The following SYTL3 variants were observed in gnomAD, a reference collection of about 807,000 sequenced individuals.
The protein encoded by SYTL3 is synaptotagmin like 3, also known as synaptotagmin-like protein 3.
Under a neutral mutation model 82.1 loss-of-function variants are expected in SYTL3, and 88 were observed. The observed-to-expected ratio is 1.07, with a 90% CI of 0.90 to 1.28. The LOEUF (loss-of-function observed/expected upper bound fraction) is 1.28, where lower values mean the gene tolerates loss of function less well. SYTL3 is among the 50% of genes most tolerant of loss of function. The pLI is 0.00. For missense variants in SYTL3, 831 were observed against 757.6 expected (o/e 1.10, Z -1.14); for synonymous variants, 311 against 289.4 (o/e 1.07, Z -0.76).
intron 5 of SYTL3, among the ~76,000 whole-genome samples, chr6:158,670,103 C>G (rs1777195268): frequency 6.6e-6 from 1 of 152,122 alleles, no homozygotes; most frequent in Non-Finnish European, 1.5e-5. Context: ...AAGTTCTATT[C>G]TAATTATGTT....
At chr6:158,717,624 T>G (rs1323334252) in intron 9 of SYTL3, among the ~76,000 whole-genome samples, 1 of 152,216 alleles carries the variant, frequency 6.6e-6, no homozygotes, top group African/African-American at 2.4e-5. Context: ...ATAATTGTTA[T>G]GAGGACACCC....
At position 158,704,394 on chromosome 6, in the gene SYTL3, C is replaced by T. The variant is rs12660140; in HGVS notation, c.395-2836C>T. On this transcript the variant is annotated intron_variant, in intron 6 of 17. Transcript: ENST00000611299. ...CGGCAGGGGGCAGCAGAAAGCCACGCGCACGCCCGGTCCGTGCAGGAGCCG... is the reference window on the plus strand; with the variant it reads ...CGGCAGGGGGCAGCAGAAAGCCACGTGCACGCCCGGTCCGTGCAGGAGCCG... 9.8e-5 allele frequency among the ~76,000 whole-genome samples: 15 copies of T among 152,356 alleles called. No individual in the cohort carries two copies. The East Asian group carries it at 1.9e-3, about 20-fold the overall frequency.
chr6:158,687,652 A>G (rs1178643522), intron 6 of SYTL3, among the ~76,000 whole-genome samples: 1 of 152,120 alleles, frequency 6.6e-6, no homozygotes, highest in Admixed American at 6.5e-5. Context: ...CTGCCGCTAC[A>G]TCTGGTCAGT....
chr6:158,719,729 A>G (rs1783844915), intron 10 of SYTL3, among the ~76,000 whole-genome samples: 1 of 152,210 alleles, frequency 6.6e-6, no homozygotes, highest in African/African-American at 2.4e-5. Flanking sequence ...TGGTGGCAGC[A>G]TTGCTTCTTA....
chr6:158,648,447 T>C (rs1787635364), upstream of SYTL3, among the ~76,000 whole-genome samples: 1 of 148,816 alleles, frequency 6.7e-6, no homozygotes, highest in Admixed American at 6.7e-5. Context: ...AAAAATTAGC[T>C]GGGTGCGGTG....
chr6:158,715,599 T>TCGCACACACACACACACACACA (rs1783276356), intron 9 of SYTL3, among the ~76,000 whole-genome samples: 1 of 116,442 alleles, frequency 8.6e-6, no homozygotes, highest in Non-Finnish European at 1.8e-5. Context: ...TGAAACCGCA[T>TCGCACACACACACACACACACA]CACACACACA....
chr6:158,654,070 A>T (rs531327577), intron 2 of SYTL3, among the ~76,000 whole-genome samples: 225 of 152,356 alleles, frequency 1.5e-3, no homozygotes, highest in Admixed American at 2.5e-3. Flanking sequence ...GAAAGCAAGC[A>T]GGCATTGTTT....
intron 10 of SYTL3, among the ~76,000 whole-genome samples, chr6:158,718,779 C>T (rs1460380733): frequency 6.6e-6 from 1 of 152,224 alleles, no homozygotes; most frequent in African/African-American, 2.4e-5. Context: ...GAGAGAGAGC[C>T]AACCTTAGAA....
chr6:158,711,759 C>T (rs1782793319), intron 8 of SYTL3, among the ~76,000 whole-genome samples: 2 of 152,186 alleles, frequency 1.3e-5, no homozygotes, highest in Admixed American at 6.5e-5. Flanking sequence ...CATGCCTCCC[C>T]TTTTTAGAGC....
chr6:158,691,894 G>T (rs912090773), intron 6 of SYTL3, among the ~76,000 whole-genome samples: 1 of 150,342 alleles, frequency 6.7e-6, no homozygotes, highest in Non-Finnish European at 1.5e-5. Context: ...CTCGTGATCG[G>T]CCCGCCTCGG....
intron 10 of SYTL3, among the ~76,000 whole-genome samples, chr6:158,719,478 C>T (rs1405208044): frequency 1.3e-5 from 2 of 152,184 alleles, no homozygotes; most frequent in African/African-American, 4.8e-5. Flanking sequence ...TTTTGGTGAA[C>T]TCCTGGGATC....
intron 5 of SYTL3, among the ~76,000 whole-genome samples, chr6:158,670,874 C>A (rs1326858266): frequency 6.6e-6 from 1 of 151,510 alleles, no homozygotes; most frequent in East Asian, 2.0e-4. Flanking sequence ...ATGATCTCGG[C>A]TCACTGCAAG....
chr6:158,717,305 C>G (rs1361371625), intron 9 of SYTL3, among the ~76,000 whole-genome samples: 1 of 101,356 alleles, frequency 9.9e-6, no homozygotes, highest in African/African-American at 5.1e-5. Flanking sequence ...GTTAATTTTA[C>G]CTGTTTTTTT....
At chr6:158,739,385 T>G (rs1786631308) in intron 11 of SYTL3, among the ~76,000 whole-genome samples, 1 of 152,224 alleles carries the variant, frequency 6.6e-6, no homozygotes, top group Admixed American at 6.5e-5. Flanking sequence ...AATGTTATTA[T>G]GATGTACCTA....
intron 6 of SYTL3, among the ~76,000 whole-genome samples, chr6:158,703,531 A>T (rs934932584): frequency 3.3e-5 from 5 of 152,222 alleles, no homozygotes; most frequent in Admixed American, 1.3e-4. Context: ...ACAACTGAGG[A>T]ATCAAAGAGA....
At chr6:158,726,011 G>C (rs1735103462) in intron 11 of SYTL3, 1 of 653,246 alleles carries the variant, frequency 1.5e-6, no homozygotes. Context: ...GCCACTGACA[G>C]TGTCGCAGTC....
intron 6 of SYTL3, 149 bp downstream of exon 6, chr6:158,683,138 G>A: frequency 3.7e-6 from 2 of 534,522 alleles, no homozygotes; most frequent in Non-Finnish European, 3.5e-6. Context: ...TGCTCTCACT[G>A]TAATTCACGC....
At chr6:158,747,346 T>C (rs1787792176) in intron 12 of SYTL3, among the ~76,000 whole-genome samples, 1 of 152,046 alleles carries the variant, frequency 6.6e-6, no homozygotes, top group African/African-American at 2.4e-5. Context: ...TTTTTAAAAA[T>C]TTAATTAATT....
intron 6 of SYTL3, among the ~76,000 whole-genome samples, chr6:158,687,907 A>G (rs1480481978): frequency 2.6e-5 from 4 of 152,188 alleles, no homozygotes; most frequent in Non-Finnish European, 5.9e-5. Context: ...TACTACCACA[A>G]TCCCAAACTA....
Sources: gnomAD v4.1 joint callset for allele counts (sites outside exome capture counted in the v4.1 genomes callset) on GRCh38, gnomAD v4.1.1 for gene constraint, MANE v1.5 for transcripts, NCBI Gene and HGNC (gene_info 2026-07-23, HGNC 2026-07-21) for gene names.